The following MADD variants were observed in gnomAD, a reference collection of about 807,000 sequenced individuals.
MADD encodes MAP kinase-activating death domain protein.
Under a neutral mutation model 176.7 loss-of-function variants are expected in MADD, and 109 were observed. The ratio of observed to expected loss-of-function variants is 0.62; its 90% CI spans 0.53 to 0.72. MADD has a LOEUF of 0.72. Among genes scored for constraint, MADD ranks in the 30% least tolerant of loss-of-function variants. The probability of loss-of-function intolerance (pLI) is 0.00; values close to 1 mark genes in which losing one functional copy is unlikely to be tolerated. For synonymous variants in MADD, 771 were observed against 771.3 expected, an observed-to-expected ratio of 1.00 and a Z score of 0.01; for missense variants, 1,914 against 2,045.5, an observed-to-expected ratio of 0.94 and a Z score of 1.24.
chr11:47,285,464 C>T, exon 14 of MADD: 1 of 1,614,160 alleles, frequency 6.2e-7, no homozygotes, highest in South Asian at 1.1e-5. Flanking sequence ...TCAAAAGCTG[C>T]TGCGGCCCAA....
chr11:47,290,966 C>G (rs1219246755), intron 19 of MADD, 150 bp downstream of exon 20: 5 of 638,458 alleles, frequency 7.8e-6, no homozygotes, highest in Non-Finnish European at 1.3e-5. Context: ...GGTGGTGTTT[C>G]TTTGTACTTC....
chr11:47,294,669 C>CAA (rs58253961), intron 20 of MADD, among the ~76,000 whole-genome samples: 674 of 55,366 alleles, frequency 0.012, 29 homozygotes, highest in African/African-American at 0.027. Flanking sequence ...GACTCCGTCT[C>CAA]AAAAAAAAAA....
chr11:47,328,007 G>A lies in MADD; in HGVS notation c.4613-651G>A, dbSNP rs1405114609. 82 of 988,758 alleles carry A rather than the reference G, an allele frequency of 8.3e-5. 1 individual carries two copies. The highest frequency in any genetic ancestry group is 3.5e-5 in the African/African-American group (2 of 57,226). The allele number at this position is 988,758 out of a possible 1,614,324, so 61.2% of individuals were successfully genotyped here. ...CCTGTCACCTCCCTCCCTGGGTGCTGTACTCGCCTGTCTTCTGCTGGGTGT... is the reference window on the plus strand; with the variant it reads ...CCTGTCACCTCCCTCCCTGGGTGCTATACTCGCCTGTCTTCTGCTGGGTGT... On this transcript the variant is annotated intron_variant, in intron 31 of 32. Transcript: ENST00000402192.
At chr11:47,294,669 C>CAAAAAAAAAAAAAAAAAAAA (rs58253961) in intron 20 of MADD, among the ~76,000 whole-genome samples, 1 of 56,030 alleles carries the variant, frequency 1.8e-5, no homozygotes, top group Non-Finnish European at 3.4e-5. Context: ...GACTCCGTCT[C>CAAAAAAAAAAAAAAAAAAAA]AAAAAAAAAA....
chr11:47,297,725 C>T (rs183235945), intron 22 of MADD, among the ~76,000 whole-genome samples: 23 of 150,966 alleles, frequency 1.5e-4, no homozygotes, highest in African/African-American at 2.9e-4. Flanking sequence ...GGATTACAGG[C>T]GTGAGCCACT....
intron 18 of MADD, 122 bp from the exon 20 acceptor site, chr11:47,290,488 G>A: frequency 1.6e-6 from 2 of 1,257,938 alleles, no homozygotes; most frequent in Non-Finnish European, 1.1e-6. Flanking sequence ...TAAGACATCA[G>A]CTCATCTTTC....
At chr11:47,295,637 A>G (rs1160554070) in intron 21 of MADD, 58 bp downstream of exon 23, 2 of 1,611,086 alleles carry the variant, frequency 1.2e-6, no homozygotes, top group African/African-American at 2.7e-5. Context: ...CCCTTTGGAA[A>G]AGGGTGCTAC....
rs1166248043 is a variant in MADD, at chr11:47,276,722, C to G, written c.964-10C>G. The stretch of plus-strand genomic sequence containing the variant: ...TTTTGGAGTGATTCTTACTGGATGG[C>G]TCATGACAGGTGGTGCTACAGTCCC... On this transcript the variant is annotated splice_polypyrimidine_tract_variant and intron_variant, in intron 4 of 32. Coordinates refer to ENST00000402192, the Ensembl canonical transcript of MADD. The G allele has an allele frequency of 6.2e-7, 1 of 1,613,912 alleles. No individual in the cohort carries two copies. The highest frequency in any genetic ancestry group is 8.5e-7 in the Non-Finnish European group (1 of 1,179,894).
chr11:47,307,479 C>T (rs996125556), intron 22 of MADD, among the ~76,000 whole-genome samples: 1 of 152,078 alleles, frequency 6.6e-6, no homozygotes, highest in African/African-American at 2.4e-5. Flanking sequence ...TATATAAAGT[C>T]ACGTGATCCA....
chr11:47,319,027 C>T (rs2093840423), intron 27 of MADD, among the ~76,000 whole-genome samples: 1 of 150,514 alleles, frequency 6.6e-6, no homozygotes, highest in Admixed American at 6.6e-5. Context: ...AAGCTGGTCT[C>T]GAACTCCTGA....
In MADD at chr11:47,276,998, A is replaced by G. The variant is rs1471571797; in HGVS notation, c.1095+135A>G. The G allele has an allele frequency of 5.5e-6, 6 of 1,088,726 alleles. No individual in the cohort carries two copies. The East Asian group carries it at 1.5e-4, about 28-fold the overall frequency. 67.4% of individuals were successfully genotyped at this position (1,088,726 alleles called of 1,614,324 possible). ...CTTATTTGTCTACAAAATCTGACTGATTTGAACTGATCTGGTGGCAAGGCT... is the reference window on the plus strand; with the variant it reads ...CTTATTTGTCTACAAAATCTGACTGGTTTGAACTGATCTGGTGGCAAGGCT... On this transcript the variant is annotated intron_variant, in intron 5 of 32. Transcript: ENST00000402192.
Position 47,328,716 on chromosome 11 carries a change from G to A in MADD, c.4659+12G>A, listed in dbSNP as rs377037226. 27 of 1,613,908 alleles carry A rather than the reference G, an allele frequency of 1.7e-5. No homozygotes were observed. Among genetic ancestry groups the A allele is most frequent in the Admixed American group, 1.7e-4 (10 of 59,982 alleles). On this transcript the variant is annotated intron_variant, in intron 32 of 32. Coordinates refer to ENST00000402192, the Ensembl canonical transcript of MADD. ...ACAAGACACCAATGGTGAGTGTGCC[G>A]CTCAACCCTGATGGGCCACGGTGCG...
At chr11:47,312,223 A>T (rs1490968564) in intron 26 of MADD, among the ~76,000 whole-genome samples, 1 of 152,116 alleles carries the variant, frequency 6.6e-6, no homozygotes, top group African/African-American at 2.4e-5. Flanking sequence ...CCTTGCCTTC[A>T]TATACTCTCA....
At chr11:47,312,426 T>C (rs2090169158) in intron 26 of MADD, among the ~76,000 whole-genome samples, 1 of 152,110 alleles carries the variant, frequency 6.6e-6, no homozygotes, top group Admixed American at 6.5e-5. Context: ...TTTTTGTATA[T>C]ACATATATAT....
At chr11:47,312,456 C>T (rs1182829050) in intron 26 of MADD, among the ~76,000 whole-genome samples, 1 of 151,964 alleles carries the variant, frequency 6.6e-6, no homozygotes, top group Non-Finnish European at 1.5e-5. Flanking sequence ...CAGAGTTTCA[C>T]TCTCTTGTTG....
At chr11:47,286,890 T>C (rs1256969497) in intron 15 of MADD, among the ~76,000 whole-genome samples, 1 of 152,200 alleles carries the variant, frequency 6.6e-6, no homozygotes, top group Non-Finnish European at 1.5e-5. Flanking sequence ...GCCAAGGAGC[T>C]GGCCCACCAG....
chr11:47,288,558 C>T (rs1414533013), intron 15 of MADD, among the ~76,000 whole-genome samples: 1 of 152,176 alleles, frequency 6.6e-6, no homozygotes, highest in African/African-American at 2.4e-5. Context: ...GCTGCACTTA[C>T]CCTCTCACCC....
chr11:47,274,003 C>T (rs1405791290), intron 2 of MADD, 27 bp downstream of exon 2: 1 of 1,606,150 alleles, frequency 6.2e-7, no homozygotes, highest in Non-Finnish European at 8.5e-7. Context: ...TGACTTTTGT[C>T]TTAATATCTG....
Position 47,309,620 on chromosome 11 carries a change from C to T in MADD, c.3978+8C>T. ...TACATGCTGCTGATGAAGGTAATGT[C>T]AATTTTGCTGTGTCCAGCTCCGCTG... On this transcript the variant is annotated splice_region_variant and intron_variant, in intron 25 of 32. Transcript: ENST00000402192. The T allele has an allele frequency of 1.9e-6, 3 of 1,606,236 alleles. No individual in the cohort carries two copies. Among genetic ancestry groups the T allele is most frequent in the Non-Finnish European group, 2.6e-6 (3 of 1,172,770 alleles).
Sources: allele counts gnomAD v4.1 joint callset (sites outside exome capture counted in the v4.1 genomes callset), GRCh38; gene constraint gnomAD v4.1.1; transcripts MANE v1.5; gene names NCBI Gene and HGNC (gene_info 2026-07-23, HGNC 2026-07-21).